LSM7: variants seen among roughly 807,000 people sequenced by gnomAD.
LSM7 encodes U6 snRNA-associated Sm-like protein LSm7.
In LSM7, 13 loss-of-function variants were observed where a neutral mutation model predicts 14.1. The observed-to-expected ratio is 0.92, with a 90% confidence interval of 0.60 to 1.47. LSM7 has a LOEUF of 1.47. Among genes scored for constraint, LSM7 ranks in the 40% most tolerant of loss-of-function variants. The pLI is 0.00. For missense variants in LSM7, 108 were observed against 140.8 expected (o/e 0.77, Z 1.18); for synonymous variants, 70 against 57.1 (o/e 1.23, Z -1.02).
intron 2 of LSM7, chr19:2,324,797 G>T (rs1209184885): frequency 6.5e-6 from 1 of 154,262 alleles, no homozygotes; most frequent in Non-Finnish European, 1.4e-5. Flanking sequence ...CGCACCGTGA[G>T]ATCCCATTTC....
Position 2,321,618 on chromosome 19 carries a change from C to T in LSM7, c.*62G>A. The T allele has an allele frequency of 7.4e-7, 1 of 1,342,508 alleles. No homozygotes were observed. The highest frequency in any genetic ancestry group is 9.6e-7 in the Non-Finnish European group (1 of 1,043,228). The allele number at this position is 1,342,508 out of a possible 1,614,324, so 83.2% of individuals were successfully genotyped here. On this transcript the variant is annotated 3_prime_UTR_variant, in exon 4 of 4. Coordinates refer to ENST00000252622, the MANE Select transcript of LSM7 (RefSeq NM_016199.3). The surrounding 1 kb of genome is among the most constrained non-coding windows in gnomAD (Gnocchi z 5.0). ...GGCGGTACTGCGGTGGGAGCAGCAG[C>T]CAAGTCCGCGGGAAACCGAGCTGCT... is the stretch of plus-strand genomic sequence containing the variant.
chr19:2,322,066 C>A (rs1488039910), intron 3 of LSM7, among the ~76,000 whole-genome samples: 1 of 152,194 alleles, frequency 6.6e-6, no homozygotes, highest in Admixed American at 6.5e-5. Context: ...ACTCCACAAA[C>A]CATGGGAACA....
At chr19:2,326,312 TTGTGTG>T (rs145468909) in intron 2 of LSM7, among the ~76,000 whole-genome samples, 134 of 129,782 alleles carry the variant, frequency 1.0e-3, no homozygotes, top group South Asian at 1.3e-3. Context: ...TTTCTGCTTT[TTGTGTG>T]TGTGTGTGTG....
intron 2 of LSM7, chr19:2,324,494 C>T (rs1230845950): frequency 1.3e-5 from 6 of 458,674 alleles, no homozygotes; most frequent in Non-Finnish European, 2.4e-5. Flanking sequence ...GGTAATGAGT[C>T]CATGTGTGGC....
chr19:2,327,094 C>T (rs1208673894), intron 2 of LSM7, among the ~76,000 whole-genome samples: 1 of 152,144 alleles, frequency 6.6e-6, no homozygotes, highest in African/African-American at 2.4e-5. Context: ...ACTCACAGAT[C>T]CTGTGAGATA....
intron 3 of LSM7, among the ~76,000 whole-genome samples, chr19:2,322,385 A>T (rs1244366493): frequency 3.9e-5 from 6 of 152,010 alleles, no homozygotes; most frequent in Non-Finnish European, 5.9e-5. Flanking sequence ...TAAAAAATAC[A>T]AAAAAATTAG....
chr19:2,326,091 A>G (rs1308172732), intron 2 of LSM7: 2 of 152,270 alleles, frequency 1.3e-5, no homozygotes, highest in African/African-American at 2.4e-5. Flanking sequence ...GGTCTCTAAC[A>G]TGGAGCCAAG....
At chr19:2,325,870 G>A (rs1968006768) in intron 2 of LSM7, 1 of 152,290 alleles carries the variant, frequency 6.6e-6, no homozygotes, top group African/African-American at 2.4e-5. Flanking sequence ...CTACAGAGAA[G>A]GTCTGCCCGC....
rs549278857 is a variant in LSM7, at chr19:2,321,845, G to A, written c.170-23C>T. 107 of 1,410,182 alleles carry A rather than the reference G, an allele frequency of 7.6e-5. No individual in the cohort carries two copies. The highest frequency in any genetic ancestry group is 1.8e-4 in the Middle Eastern group (1 of 5,414). The allele number at this position is 1,410,182 out of a possible 1,614,324, so 87.4% of individuals were successfully genotyped here. ...GGTCTGGGGAGGAGCAGATAGAGAG[G>A]ACTGAGGGACCTCCAGGAAGCCTCC... On this transcript the variant is annotated intron_variant, in intron 3 of 3. Coordinates refer to ENST00000252622, the MANE Select transcript of LSM7 (RefSeq NM_016199.3). The surrounding 1 kb of genome is among the most constrained non-coding windows in gnomAD (Gnocchi z 5.0).
chr19:2,322,111 T>C (rs1006823898), intron 3 of LSM7, among the ~76,000 whole-genome samples: 1 of 152,184 alleles, frequency 6.6e-6, no homozygotes, highest in African/African-American at 2.4e-5. Flanking sequence ...ACCCCGCGTC[T>C]CAGAGCTCAC....
intron 2 of LSM7, among the ~76,000 whole-genome samples, chr19:2,325,618 G>A (rs539688288): frequency 3.4e-4 from 51 of 152,118 alleles, no homozygotes; most frequent in Admixed American, 1.2e-3. Flanking sequence ...GCCCGTCCAC[G>A]GCTGCTCCAC....
intron 3 of LSM7, 54 bp downstream of exon 3, chr19:2,324,056 GTCCCGCTGCCCCCCT>G: frequency 1.6e-6 from 1 of 633,608 alleles, no homozygotes; most frequent in Non-Finnish European, 2.2e-6. Flanking sequence ...TGCCCCCCTC[GTCCCGCTGCCCCCCT>G]CACCCCACTA....
At position 2,324,392 on chromosome 19, in the gene LSM7, C is replaced by T. The variant is rs1003097681; in HGVS notation, c.98-196G>A. ...CACCACAGGCAGCAGACCACGTCTG[C>T]GGGGGGCCAGATGGCAAACACTTCT... On this transcript the variant is annotated intron_variant, in intron 2 of 3. Coordinates refer to ENST00000252622, the MANE Select transcript of LSM7 (RefSeq NM_016199.3). 79 of 571,592 alleles carry T rather than the reference C, an allele frequency of 1.4e-4. 1 individual carries two copies. The Middle Eastern group carries it at 2.9e-3, about 21-fold the overall frequency. The allele number at this position is 571,592 out of a possible 1,614,324, so 35.4% of individuals were successfully genotyped here.
At chr19:2,323,949 G>A (rs1049907208) in intron 3 of LSM7, among the ~76,000 whole-genome samples, 176 bp downstream of exon 3, 3 of 152,100 alleles carry the variant, frequency 2.0e-5, no homozygotes, top group African/African-American at 4.8e-5. Context: ...CCCGTCCATC[G>A]GCCGCCACGA....
intron 3 of LSM7, among the ~76,000 whole-genome samples, chr19:2,323,029 T>C (rs35554229): frequency 0.013 from 1,906 of 152,002 alleles, 19 homozygotes; most frequent in Non-Finnish European, 0.019. Context: ...CAAGAATAAA[T>C]CTTGTCTCAG....
chr19:2,328,514 G>A (rs371435308), intron 1 of LSM7, 37 bp from the exon 2 acceptor site: 463 of 1,610,592 alleles, frequency 2.9e-4, no homozygotes, highest in Non-Finnish European at 3.5e-4. Context: ...CCTGGAGCGC[G>A]GCCCGAGCTC....
chr19:2,322,951 C>T (rs1275661885), intron 3 of LSM7, among the ~76,000 whole-genome samples: 3 of 151,444 alleles, frequency 2.0e-5, no homozygotes, highest in East Asian at 1.9e-4. Context: ...TTCCTGGGCT[C>T]GAGTGATCCT....
Position 2,321,664 on chromosome 19 carries a change from C to T in LSM7, c.*16G>A, listed in dbSNP as rs967779327. 124 of 1,486,426 alleles carry T rather than the reference C, an allele frequency of 8.3e-5. 1 individual carries two copies. The highest frequency in any genetic ancestry group is 1.9e-4 in the Middle Eastern group (1 of 5,266). The allele number at this position is 1,486,426 out of a possible 1,614,324, so 92.1% of individuals were successfully genotyped here. ...CTGCTCGGGCCTGCCCTGCACCCCC[C>T]GCGCCCCCGGCCAGGCTAGGCGTCC... On this transcript the variant is annotated 3_prime_UTR_variant, in exon 4 of 4. Transcript: ENST00000252622. The surrounding 1 kb of genome is among the most constrained non-coding windows in gnomAD (Gnocchi z 5.0).
At chr19:2,326,312 TTGTGTGTGTG>T (rs145468909) in intron 2 of LSM7, among the ~76,000 whole-genome samples, 194 of 129,782 alleles carry the variant, frequency 1.5e-3, no homozygotes, top group Admixed American at 3.9e-3. Context: ...TTTCTGCTTT[TTGTGTGTGTG>T]TGTGTGTGTG....
Sources: allele counts gnomAD v4.1 joint callset (sites outside exome capture counted in the v4.1 genomes callset), GRCh38; gene constraint gnomAD v4.1.1; non-coding constraint Gnocchi (gnomAD v3.1); transcripts MANE v1.5; gene names NCBI Gene and HGNC (gene_info 2026-07-23, HGNC 2026-07-21).